GSE1: variants seen among roughly 807,000 people sequenced by gnomAD.
GSE1 encodes the protein Gse1 coiled-coil protein, also known as genetic suppressor element 1.
GSE1 carries 32 observed loss-of-function variants against 112.6 expected under a neutral mutation model. The ratio of observed to expected loss-of-function variants is 0.28; its 90% CI spans 0.21 to 0.38. The LOEUF (loss-of-function observed/expected upper bound fraction) is 0.38, where lower values mean the gene tolerates loss of function less well. Among genes scored for constraint, GSE1 ranks in the 10% least tolerant of loss-of-function variants. GSE1 has a pLI of 1.00. For synonymous variants in GSE1, 1,115 were observed against 735.6 expected (o/e 1.52, Z -8.35); for missense variants, 2,348 against 1,699.2 (o/e 1.38, Z -6.71).
chr16:85,668,490 G>A (rs908827412), intron 14 of GSE1, 66 bp downstream of exon 14: 3 of 1,140,428 alleles, frequency 2.6e-6, no homozygotes, highest in Non-Finnish European at 3.8e-6. Flanking sequence ...GAAGCTGAGT[G>A]ATGAGTTCAT....
chr16:85,273,690 C>T (rs1909075867), intron 1 of GSE1, among the ~76,000 whole-genome samples: 1 of 151,758 alleles, frequency 6.6e-6, no homozygotes, highest in Admixed American at 6.6e-5. Context: ...CATGGGGTCT[C>T]CTTTTTGGTT....
chr16:85,523,448 G>A lies in GSE1; in HGVS notation c.2465-110466G>A, dbSNP rs556657358. ...GTAAATACATTGCCATCTGGCTGAT[G>A]GAACAGCGTCCTGGTTGGGAGGAGT... On this transcript the variant is annotated intron_variant, in intron 2 of 2. Coordinates refer to the GSE1 transcript ENST00000637419. Among the ~76,000 whole-genome samples, 47 of 152,328 alleles carry A rather than the reference G, an allele frequency of 3.1e-4. No homozygotes were observed. In the South Asian group the frequency reaches 9.7e-3, roughly 32 times the overall value.
intron 1 of GSE1, among the ~76,000 whole-genome samples, chr16:85,332,612 T>A (rs947324154): frequency 6.6e-6 from 1 of 152,030 alleles, no homozygotes; most frequent in South Asian, 2.1e-4. Context: ...GCCGCACTGC[T>A]CTCTGCGGAC....
chr16:85,188,321 T>A (rs753909556), intron 1 of GSE1, among the ~76,000 whole-genome samples: 3 of 152,156 alleles, frequency 2.0e-5, no homozygotes, highest in Non-Finnish European at 2.9e-5. Context: ...TACAGTAGAG[T>A]GTGTGTCACA....
chr16:85,444,652 C>T (rs764259352), intron 2 of GSE1, among the ~76,000 whole-genome samples: 1 of 151,972 alleles, frequency 6.6e-6, no homozygotes, highest in Non-Finnish European at 1.5e-5. Flanking sequence ...AGTCCTTCAA[C>T]CCTCTCCATG....
chr16:85,614,831 C>CG (rs2048268134), intron 1 of GSE1, among the ~76,000 whole-genome samples: 1 of 152,194 alleles, frequency 6.6e-6, no homozygotes, highest in South Asian at 2.1e-4. Flanking sequence ...AAACAAAAAG[C>CG]GGGGCCACCA....
At chr16:85,460,279 G>A (rs751096440) in intron 2 of GSE1, among the ~76,000 whole-genome samples, 15 of 152,168 alleles carry the variant, frequency 9.9e-5, no homozygotes, top group South Asian at 2.1e-4. Flanking sequence ...CACCCGGGGG[G>A]CTTTGAGACA....
chr16:85,482,695 C>T (rs939008796), intron 2 of GSE1, among the ~76,000 whole-genome samples: 3 of 152,226 alleles, frequency 2.0e-5, no homozygotes, highest in African/African-American at 4.8e-5. Context: ...ATACAAAGCT[C>T]AGGCGAGCAC....
intron 8 of GSE1, 101 bp from the exon 9 acceptor site, chr16:85,661,045 G>A: frequency 8.8e-7 from 1 of 1,142,336 alleles, no homozygotes; most frequent in Non-Finnish European, 1.2e-6. Flanking sequence ...CTAAGGGGCT[G>A]CGCCATCTGT....
At chr16:85,521,249 G>A (rs2052176043) in intron 2 of GSE1, among the ~76,000 whole-genome samples, 2 of 152,176 alleles carry the variant, frequency 1.3e-5, no homozygotes, top group African/African-American at 2.4e-5. Flanking sequence ...CTGGTTTTCT[G>A]TTTAGATTTA....
chr16:85,470,267 C>G (rs1567513098), intron 2 of GSE1, among the ~76,000 whole-genome samples: 1 of 152,206 alleles, frequency 6.6e-6, no homozygotes, highest in Non-Finnish European at 1.5e-5. Context: ...TGGGGCCAGC[C>G]AGCGGGGGTC....
chr16:85,655,855 G>T lies in GSE1; in HGVS notation c.927G>T (p.Glu309Asp). ...LHLSGVRYPP[E>D]LSHSSLAALH... The stretch of plus-strand genomic sequence containing the variant: ...TCTCTGGGGTCCGCTACCCTCCCGA[G>T]CTCTCCCACTCATCCCTGGCAGCGC... Residue 309 changes from glutamate (E) to aspartate (D), a missense_variant, in exon 6 of 16, where the codon GAG becomes GAT. Coordinates refer to ENST00000253458, the MANE Select transcript of GSE1 (RefSeq NM_014615.5). The T allele has an allele frequency of 6.2e-7, 1 of 1,609,606 alleles. No individual in the cohort carries two copies.
intron 2 of GSE1, among the ~76,000 whole-genome samples, chr16:85,478,864 TTTC>T (rs2050554462): frequency 1.1e-4 from 4 of 35,696 alleles, no homozygotes; most frequent in Admixed American, 3.3e-4. Flanking sequence ...TCTTTCTTTC[TTTC>T]TTTCTTTCTT....
At chr16:85,170,010 C>A in exon 1 of GSE1, 1 of 984,388 alleles carries the variant, frequency 1.0e-6, no homozygotes, top group South Asian at 4.7e-5. Flanking sequence ...CCCGGCTGCG[C>A]GGGGCCGCGG....
At position 85,668,327 on chromosome 16, in the gene GSE1, G is replaced by C; in HGVS notation, c.3318G>C (p.Glu1106Asp). 2 of 1,613,028 alleles carry C rather than the reference G, an allele frequency of 1.2e-6. No individual in the cohort carries two copies. The highest frequency in any genetic ancestry group is 8.5e-7 in the Non-Finnish European group (1 of 1,179,142). Reference protein sequence around the residue: ...ELDRDSEEEEEEDDEDGEDEE... With the variant: ...ELDRDSEEEEDEDDEDGEDEE... ...ACCGGGACTCGGAGGAGGAGGAAGA[G>C]GAGGATGATGAAGATGGAGAAGATG... Residue 1106 changes from glutamate to aspartate, a missense_variant, in exon 14 of 16, where the codon GAG (glutamate) becomes GAC (aspartate). Coordinates refer to ENST00000253458, the MANE Select transcript of GSE1 (RefSeq NM_014615.5).
chr16:85,360,506 C>T (rs1326681960), intron 2 of GSE1, among the ~76,000 whole-genome samples: 1 of 152,232 alleles, frequency 6.6e-6, no homozygotes, highest in African/African-American at 2.4e-5. Context: ...CCCGCCTGGG[C>T]AGCCACTGCT....
chr16:85,271,321 G>A (rs74031761), intron 1 of GSE1, among the ~76,000 whole-genome samples: 10,701 of 152,116 alleles, frequency 0.07, 426 homozygotes, highest in African/African-American at 0.11. Flanking sequence ...CCTCTTCCCC[G>A]CGCTCCTGCC....
Position 85,665,184 on chromosome 16 carries a change from A to G in GSE1, c.2758+56A>G, listed in dbSNP as rs2052740580. 3.9e-6 allele frequency: 4 copies of G among 1,013,390 alleles called. No homozygotes were observed. In the South Asian group the frequency reaches 5.2e-5, roughly 13 times the overall value. 62.8% of individuals were successfully genotyped at this position (1,013,390 alleles called of 1,614,324 possible). ...CCCAGGACCATCCCATGGGCTGCCC[A>G]GGCTCAGAGGCGACCACTCGAGGTC... is the stretch of plus-strand genomic sequence containing the variant. On this transcript the variant is annotated intron_variant, in intron 12 of 15. Transcript: ENST00000253458.
chr16:85,225,284 G>C (rs2143788637), intron 1 of GSE1, among the ~76,000 whole-genome samples: 1 of 152,312 alleles, frequency 6.6e-6, no homozygotes, highest in Admixed American at 6.5e-5. Flanking sequence ...TCTGTGGTTG[G>C]GGCCCTCTCT....
Sources: gnomAD v4.1 joint callset for allele counts (sites outside exome capture counted in the v4.1 genomes callset) on GRCh38, gnomAD v4.1.1 for gene constraint, MANE v1.5 for transcripts, NCBI Gene and HGNC (gene_info 2026-07-23, HGNC 2026-07-21) for gene names.